Variants in PCBD2 observed in about 807,000 individuals in gnomAD.
The protein encoded by PCBD2 is pterin-4-alpha-carbinolamine dehydratase 2.
In PCBD2, 12 loss-of-function variants were observed where a neutral mutation model predicts 16.4. The observed-to-expected ratio is 0.73, with a 90% confidence interval of 0.47 to 1.19. The LOEUF is 1.19. Ranked by LOEUF, PCBD2 falls within the 50% of genes most tolerant of loss-of-function variation. The probability of loss-of-function intolerance (pLI) is 0.00; values close to 1 mark genes in which losing one functional copy is unlikely to be tolerated. For missense variants in PCBD2, 138 were observed against 156.8 expected, an observed-to-expected ratio of 0.88 and a Z score of 0.64; for synonymous variants, 58 against 61.8, an observed-to-expected ratio of 0.94 and a Z score of 0.29.
chr5:134,916,767 A>G (rs1272962221), intron 2 of PCBD2, among the ~76,000 whole-genome samples: 2 of 152,338 alleles, frequency 1.3e-5, no homozygotes, highest in East Asian at 1.9e-4. Flanking sequence ...AGGTGGATGA[A>G]GTAGCCATAG....
At chr5:134,927,133 G>A (rs1357070574) in intron 2 of PCBD2, 3 of 398,422 alleles carry the variant, frequency 7.5e-6, no homozygotes, top group African/African-American at 2.1e-5. Flanking sequence ...GTTTGGATGA[G>A]GATGGCTGTT....
intron 2 of PCBD2, among the ~76,000 whole-genome samples, chr5:134,941,010 G>A (rs192086554): frequency 6.6e-6 from 1 of 151,954 alleles, no homozygotes; most frequent in East Asian, 1.9e-4. Flanking sequence ...AGCTACTCCG[G>A]AGGCTGAGGC....
At chr5:134,917,370 G>T (rs1484729159) in intron 2 of PCBD2, among the ~76,000 whole-genome samples, 6 of 152,256 alleles carry the variant, frequency 3.9e-5, no homozygotes, top group Non-Finnish European at 7.3e-5. Flanking sequence ...CCCTTGTTCA[G>T]CATGGAAATA....
At chr5:134,934,054 A>G (rs183048680) in intron 2 of PCBD2, among the ~76,000 whole-genome samples, 3 of 152,322 alleles carry the variant, frequency 2.0e-5, no homozygotes, top group Middle Eastern at 3.4e-3. Flanking sequence ...TAAATCCTCT[A>G]TCACATTTCC....
chr5:134,910,795 G>A (rs1160332062), intron 2 of PCBD2, among the ~76,000 whole-genome samples: 1 of 151,998 alleles, frequency 6.6e-6, no homozygotes, highest in African/African-American at 2.4e-5. Context: ...TTTTATTATT[G>A]ATTATTATTT....
intron 2 of PCBD2, chr5:134,923,461 G>C: frequency 4.1e-6 from 1 of 245,346 alleles, no homozygotes; most frequent in Non-Finnish European, 7.8e-6. Context: ...AGGAATAGAA[G>C]GTGGAGCGCT....
chr5:134,910,243 C>A (rs1240856708), intron 1 of PCBD2, 92 bp from the exon 2 acceptor site: 2 of 1,392,848 alleles, frequency 1.4e-6, no homozygotes, highest in African/African-American at 1.5e-5. Flanking sequence ...GCCTTTCAGA[C>A]TTTTCTACAT....
At chr5:134,914,960 A>G (rs1030329287) in intron 2 of PCBD2, among the ~76,000 whole-genome samples, 4 of 152,196 alleles carry the variant, frequency 2.6e-5, no homozygotes, top group Non-Finnish European at 5.9e-5. Context: ...GGCATGAGCC[A>G]CTGCACCCAG....
chr5:134,915,395 A>AGGATGTAT (rs1750820194), intron 2 of PCBD2, among the ~76,000 whole-genome samples: 1 of 150,868 alleles, frequency 6.6e-6, no homozygotes, highest in African/African-American at 2.4e-5. Flanking sequence ...GTATGCAAAT[A>AGGATGTAT]GGATGTATGG....
intron 2 of PCBD2, among the ~76,000 whole-genome samples, chr5:134,941,980 G>C (rs1457997063): frequency 6.7e-6 from 1 of 148,446 alleles, no homozygotes; most frequent in Admixed American, 6.7e-5. Context: ...AAAAAAAAAA[G>C]TTAGCCGGGC....
intron 2 of PCBD2, among the ~76,000 whole-genome samples, chr5:134,922,399 C>G (rs565646853): frequency 1.3e-5 from 2 of 151,926 alleles, no homozygotes; most frequent in Non-Finnish European, 1.5e-5. Context: ...CTTTCCATGC[C>G]CCATCTCACA....
chr5:134,928,107 C>G, intron 2 of PCBD2: 2 of 393,134 alleles, frequency 5.1e-6, no homozygotes, highest in African/African-American at 2.1e-5. Context: ...AGGGCTAGGC[C>G]TACTGCTGCC....
intron 2 of PCBD2, among the ~76,000 whole-genome samples, chr5:134,938,151 G>A (rs1277416979): frequency 6.6e-6 from 1 of 152,170 alleles, no homozygotes; most frequent in African/African-American, 2.4e-5. Flanking sequence ...TGTGAGTGTG[G>A]GGCTTGAAGC....
chr5:134,960,574 T>G lies in PCBD2; in HGVS notation c.298-12T>G. 6.3e-7 allele frequency: 1 copy of G among 1,577,064 alleles called. No homozygotes were observed. Among genetic ancestry groups the G allele is most frequent in the Non-Finnish European group, 8.6e-7 (1 of 1,156,838 alleles). On this transcript the variant is annotated splice_polypyrimidine_tract_variant and intron_variant, in intron 3 of 3. Transcript: ENST00000254908. ...TGCTCAGAGTTTTAAAAACTGCTTT[T>G]CTTTTTCTTAGGTCCAGATAACTCT...
chr5:134,906,668 A>G (rs1750694577), intron 1 of PCBD2, among the ~76,000 whole-genome samples: 1 of 152,124 alleles, frequency 6.6e-6, no homozygotes. Flanking sequence ...ACATGATTTG[A>G]GCGCTGCCCC....
chr5:134,926,865 A>G (rs1178569520), intron 2 of PCBD2: 1 of 398,370 alleles, frequency 2.5e-6, no homozygotes, highest in Non-Finnish European at 4.4e-6. Flanking sequence ...TAGGAGAGTG[A>G]TATTTGATCA....
At chr5:134,932,048 C>A (rs913963841) in intron 2 of PCBD2, among the ~76,000 whole-genome samples, 1 of 152,164 alleles carries the variant, frequency 6.6e-6, no homozygotes, top group Non-Finnish European at 1.5e-5. Context: ...CAGCTGAAAA[C>A]TTTATTTGGA....
intron 2 of PCBD2, 60 bp downstream of exon 2, chr5:134,910,526 A>G: frequency 1.9e-6 from 3 of 1,560,088 alleles, no homozygotes; most frequent in Non-Finnish European, 2.6e-6. Flanking sequence ...AGGCCATAAC[A>G]CTTTCTGATT....
chr5:134,922,819 C>T (rs967342910), intron 2 of PCBD2, among the ~76,000 whole-genome samples: 13 of 152,050 alleles, frequency 8.5e-5, no homozygotes, highest in African/African-American at 1.9e-4. Context: ...CCCGCCACCA[C>T]GCCCAGCTAA....
Sources: gnomAD v4.1 joint callset for allele counts (sites outside exome capture counted in the v4.1 genomes callset) on GRCh38, gnomAD v4.1.1 for gene constraint, MANE v1.5 for transcripts, NCBI Gene and HGNC (gene_info 2026-07-23, HGNC 2026-07-21) for gene names.